The following HS3ST3B1 variants were observed in gnomAD, a reference collection of about 807,000 sequenced individuals.
The protein encoded by HS3ST3B1 is heparan sulfate glucosamine 3-O-sulfotransferase 3B1.
HS3ST3B1 carries 13 observed loss-of-function variants against 21.3 expected under a neutral mutation model. The ratio of observed to expected loss-of-function variants is 0.61; its 90% CI spans 0.40 to 0.97. HS3ST3B1 has a LOEUF of 0.97. HS3ST3B1 is among the 50% of genes least tolerant of loss of function. The probability of loss-of-function intolerance (pLI) is 0.00; values close to 1 mark genes in which losing one functional copy is unlikely to be tolerated. For missense variants in HS3ST3B1, 459 were observed against 554.8 expected (o/e 0.83, Z 1.73); for synonymous variants, 234 against 254.8 (o/e 0.92, Z 0.78).
intron 1 of HS3ST3B1, among the ~76,000 whole-genome samples, chr17:14,336,390 G>T (rs773541431): frequency 6.6e-6 from 1 of 152,138 alleles, no homozygotes; most frequent in Admixed American, 6.5e-5. Flanking sequence ...GGCAACATTT[G>T]GTACTGGGTA....
intron 1 of HS3ST3B1, among the ~76,000 whole-genome samples, chr17:14,323,243 G>C (rs755336150): frequency 3.3e-5 from 5 of 152,078 alleles, no homozygotes; most frequent in Admixed American, 6.6e-5. Flanking sequence ...CTGCAAAGAG[G>C]GTCCATCCCT....
intron 1 of HS3ST3B1, 116 bp from the exon 2 acceptor site, chr17:14,344,911 GT>G: frequency 7.0e-7 from 1 of 1,420,148 alleles, no homozygotes; most frequent in Non-Finnish European, 9.4e-7. Context: ...CATTTTACAT[GT>G]TTCTACCACT....
rs530892527 is a variant in HS3ST3B1 at position 14,346,312 on chromosome 17, G to C, written c.*666G>C. On this transcript the variant is annotated 3_prime_UTR_variant, in exon 2 of 2. Coordinates refer to ENST00000360954, the MANE Select transcript of HS3ST3B1 (RefSeq NM_006041.3). ...TTGTTGCCCAGGCTGGGGCGTAATG[G>C]TGTGATATATGCTTACCACAACCTC... The C allele has an allele frequency of 3.1e-5, 4 of 130,156 alleles. No homozygotes were observed. The highest frequency in any genetic ancestry group is 6.2e-5 in the Non-Finnish European group (4 of 65,018). The allele number at this position is 130,156 out of a possible 1,614,324, so 8.1% of individuals were successfully genotyped here. A position where few individuals can be genotyped will look rare whatever the true frequency, so the allele number is the denominator to read the frequency against.
chr17:14,343,699 T>A (rs766074646), intron 1 of HS3ST3B1, among the ~76,000 whole-genome samples: 2 of 152,240 alleles, frequency 1.3e-5, no homozygotes, highest in Admixed American at 6.5e-5. Context: ...AATATTTCAT[T>A]GTGCATATAT....
At chr17:14,315,116 T>C (rs1052998513) in intron 1 of HS3ST3B1, among the ~76,000 whole-genome samples, 1 of 152,172 alleles carries the variant, frequency 6.6e-6, no homozygotes, top group African/African-American at 2.4e-5. Context: ...AGTTGGCAAA[T>C]CTTAGGGTCA....
At chr17:14,316,397 C>G (rs1909500752) in intron 1 of HS3ST3B1, among the ~76,000 whole-genome samples, 1 of 152,220 alleles carries the variant, frequency 6.6e-6, no homozygotes, top group Non-Finnish European at 1.5e-5. Flanking sequence ...TTTGCCTCCA[C>G]TTGCTGTTAT....
chr17:14,312,104 A>C (rs1302607138), intron 1 of HS3ST3B1, among the ~76,000 whole-genome samples: 2 of 151,704 alleles, frequency 1.3e-5, no homozygotes, highest in Admixed American at 6.6e-5. Context: ...GTGTGATTAA[A>C]AAAAAAAATG....
chr17:14,329,464 G>A (rs1412077989), intron 1 of HS3ST3B1: 1 of 148,846 alleles, frequency 6.7e-6, no homozygotes, highest in Non-Finnish European at 1.5e-5. Context: ...GGGAGAGAGA[G>A]AGAAAGAAAG....
At chr17:14,336,193 T>A (rs1294738100) in intron 1 of HS3ST3B1, among the ~76,000 whole-genome samples, 1 of 152,194 alleles carries the variant, frequency 6.6e-6, no homozygotes, top group African/African-American at 2.4e-5. Flanking sequence ...TAAAGCACAT[T>A]AACTTCCATC....
chr17:14,344,210 A>G (rs1057495598), intron 1 of HS3ST3B1, among the ~76,000 whole-genome samples: 4 of 151,912 alleles, frequency 2.6e-5, no homozygotes, highest in Non-Finnish European at 5.9e-5. Flanking sequence ...TGGTTTTTTT[A>G]TTATTATTAT....
intron 1 of HS3ST3B1, among the ~76,000 whole-genome samples, chr17:14,308,347 TAGATA>T (rs1237999790): frequency 6.6e-6 from 1 of 152,252 alleles, no homozygotes; most frequent in African/African-American, 2.4e-5. Flanking sequence ...TATTTGTACA[TAGATA>T]AAAGTGGTAT....
intron 1 of HS3ST3B1, among the ~76,000 whole-genome samples, chr17:14,308,477 T>C (rs117611655): frequency 0.02 from 3,021 of 152,338 alleles, 70 homozygotes; most frequent in South Asian, 0.085. Context: ...CATTGTGTCA[T>C]GGATGAAACA....
chr17:14,313,932 C>T (rs1439975036), intron 1 of HS3ST3B1, among the ~76,000 whole-genome samples: 4 of 152,044 alleles, frequency 2.6e-5, no homozygotes, highest in East Asian at 3.9e-4. Flanking sequence ...AAAGAAATCT[C>T]AGACATTATA....
chr17:14,321,973 T>C (rs1909671361), intron 1 of HS3ST3B1, among the ~76,000 whole-genome samples: 1 of 151,740 alleles, frequency 6.6e-6, no homozygotes, highest in Non-Finnish European at 1.5e-5. Flanking sequence ...TCATTATCAT[T>C]ATCATCATCA....
intron 1 of HS3ST3B1, 44 bp from the exon 2 acceptor site, chr17:14,344,984 A>T: frequency 6.3e-7 from 1 of 1,587,568 alleles, no homozygotes; most frequent in South Asian, 1.2e-5. Context: ...GTGGCCAGAG[A>T]GGCGTCACCT....
chr17:14,302,274 A>G (rs1313101157), intron 1 of HS3ST3B1, among the ~76,000 whole-genome samples: 2 of 152,208 alleles, frequency 1.3e-5, no homozygotes, highest in Non-Finnish European at 1.5e-5. Flanking sequence ...CACAACCCAC[A>G]GAAAGTTCTC....
intron 1 of HS3ST3B1, among the ~76,000 whole-genome samples, chr17:14,326,035 G>A (rs779167733): frequency 3.3e-5 from 5 of 152,094 alleles, no homozygotes; most frequent in Admixed American, 6.6e-5. Flanking sequence ...GTGTGTGTGT[G>A]CACGCACGTG....
At chr17:14,330,028 G>T (rs902387893) in intron 1 of HS3ST3B1, among the ~76,000 whole-genome samples, 1 of 152,222 alleles carries the variant, frequency 6.6e-6, no homozygotes, top group Admixed American at 6.5e-5. Flanking sequence ...TCCTTTTACA[G>T]ATGAGGAAAG....
At chr17:14,336,514 C>T (rs1459855659) in intron 1 of HS3ST3B1, among the ~76,000 whole-genome samples, 5 of 152,076 alleles carry the variant, frequency 3.3e-5, no homozygotes, top group African/African-American at 1.2e-4. Flanking sequence ...ATTTAAGAGC[C>T]CCAGCAAGAG....
Sources: allele counts gnomAD v4.1 joint callset (sites outside exome capture counted in the v4.1 genomes callset), GRCh38; gene constraint gnomAD v4.1.1; transcripts MANE v1.5; gene names NCBI Gene and HGNC (gene_info 2026-07-23, HGNC 2026-07-21).